ABCF2: variants seen among roughly 807,000 people sequenced by gnomAD.
The protein encoded by ABCF2 is ATP-binding cassette sub-family F member 2.
A neutral mutation model predicts 76.9 loss-of-function variants in ABCF2; 37 were observed. The ratio of observed to expected loss-of-function variants is 0.48; its 90% CI spans 0.37 to 0.63. The LOEUF is 0.63. ABCF2 is among the 30% of genes least tolerant of loss of function. The probability of loss-of-function intolerance (pLI) is 0.00; values close to 1 mark genes in which losing one functional copy is unlikely to be tolerated. For missense variants in ABCF2, 524 were observed against 782.1 expected (o/e 0.67, Z 3.94); for synonymous variants, 299 against 283.7 (o/e 1.05, Z -0.54).
chr7:151,225,536 T>C (rs2150576978), intron 2 of ABCF2, among the ~76,000 whole-genome samples: 1 of 152,394 alleles, frequency 6.6e-6, no homozygotes. Context: ...CGCTTCATTA[T>C]CTTGAGCTGG....
At chr7:151,219,742 T>A (rs1802229363) in intron 7 of ABCF2, among the ~76,000 whole-genome samples, 1 of 152,212 alleles carries the variant, frequency 6.6e-6, no homozygotes, top group Non-Finnish European at 1.5e-5. Context: ...TTATATATAC[T>A]CACATGGAAA....
At chr7:151,217,123 TATCA>T (rs1437110096) in intron 11 of ABCF2, among the ~76,000 whole-genome samples, 2 of 152,254 alleles carry the variant, frequency 1.3e-5, no homozygotes, top group African/African-American at 4.8e-5. Context: ...TCATTCATTC[TATCA>T]TTTTCCAACC....
intron 6 of ABCF2, 33 bp downstream of exon 6, chr7:151,222,488 T>C (rs932774732): frequency 6.3e-7 from 1 of 1,576,622 alleles, no homozygotes; most frequent in African/African-American, 1.3e-5. Flanking sequence ...CTTTGGGACC[T>C]GCCCGCTCAC....
In ABCF2 at chr7:151,214,316, T is replaced by G. The variant is rs1363418534; in HGVS notation, c.1735-125A>C. ...CCAAACCCATATCCAACTCACTGTCTCACTACTTCTAAGTTATTTGGGATG... is the reference window on the plus strand; with the variant it reads ...CCAAACCCATATCCAACTCACTGTCGCACTACTTCTAAGTTATTTGGGATG... On this transcript the variant is annotated intron_variant, in intron 14 of 14. Coordinates refer to ENST00000287844, the MANE Select transcript of ABCF2 (RefSeq NM_007189.3). The surrounding 1 kb of genome is among the most constrained non-coding windows in gnomAD (Gnocchi z 4.9). 7.3e-7 allele frequency: 1 copy of G among 1,376,708 alleles called. No individual in the cohort carries two copies. The highest frequency in any genetic ancestry group is 2.0e-5 in the Admixed American group (1 of 49,848). 85.3% of individuals were successfully genotyped at this position (1,376,708 alleles called of 1,614,324 possible).
At chr7:151,221,202 C>CTTT (rs57035639) in intron 7 of ABCF2, among the ~76,000 whole-genome samples, 10,269 of 140,434 alleles carry the variant, frequency 0.073, 459 homozygotes, top group Admixed American at 0.11. Flanking sequence ...GATAGGTCTG[C>CTTT]TTTTTTTTTT....
At position 151,213,508 on chromosome 7, in the gene ABCF2, C is replaced by T. The variant is rs1385922940; in HGVS notation, c.*546G>A. 6.1e-6 allele frequency: 6 copies of T among 985,756 alleles called. No homozygotes were observed. The highest frequency in any genetic ancestry group is 4.7e-5 in the South Asian group (1 of 21,292). 61.1% of individuals were successfully genotyped at this position (985,756 alleles called of 1,614,324 possible). The stretch of plus-strand genomic sequence containing the variant: ...GAGACCCGAGAAGGAAGGTAGGGAC[C>T]GTGGCTTCCTCTTTCTTTATTGGGC... On this transcript the variant is annotated 3_prime_UTR_variant, in exon 15 of 15. Coordinates refer to ENST00000287844, the MANE Select transcript of ABCF2 (RefSeq NM_007189.3).
At chr7:151,223,551 C>G (rs41273645) in intron 5 of ABCF2, 127 bp downstream of exon 5, 259 of 1,121,228 alleles carry the variant, frequency 2.3e-4, no homozygotes, top group Non-Finnish European at 3.0e-4. Flanking sequence ...CCCCTCCACA[C>G]TGCAGATGTC....
In ABCF2 at chr7:151,218,571, G is replaced by A. The variant is rs1167221034; in HGVS notation, c.1217C>T (p.Thr406Ile). The change falls in exon 10 of 15, where the codon ACA (threonine) becomes ATA (isoleucine). Residue 406 changes from threonine to isoleucine, a missense_variant. By Grantham distance (89) the Thr-to-Ile change is moderately conservative. This residue lies in a region of ABCF2 where 194 missense variants were observed against 348.6 expected (regional missense o/e 0.56). Transcript: ENST00000287844. Reference sequence around the variant, plus strand: ...CTGCCCTGAACTTACCCCATCTTTTGTATACTTGAAGCTCACATTTTGCAC... The same window carrying A: ...CTGCCCTGAACTTACCCCATCTTTTATATACTTGAAGCTCACATTTTGCAC... ...IMVQNVSFKY[T>I]KDGPCIYNNL... 5 of 1,613,842 alleles carry A rather than the reference G, an allele frequency of 3.1e-6. No homozygotes were observed. Among genetic ancestry groups the A allele is most frequent in the Non-Finnish European group, 3.4e-6 (4 of 1,179,788 alleles).
chr7:151,218,945 T>C, intron 8 of ABCF2, 72 bp from the exon 9 acceptor site: 2 of 1,609,030 alleles, frequency 1.2e-6, no homozygotes, highest in Non-Finnish European at 8.5e-7. Flanking sequence ...AGGGTAAAAA[T>C]GTTGATCGTA....
Position 151,213,409 on chromosome 7 carries a change from T to C in ABCF2, c.*645A>G. The C allele has an allele frequency of 1.0e-6, 1 of 985,334 alleles. No homozygotes were observed. Among genetic ancestry groups the C allele is most frequent in the African/African-American group, 1.7e-5 (1 of 57,328 alleles). The allele number at this position is 985,334 out of a possible 1,614,324, so 61.0% of individuals were successfully genotyped here. ...CCTATGGACTAGTCTTCAGTTCCCA[T>C]CGACACACTGACGCTGGATCCAGCT... On this transcript the variant is annotated 3_prime_UTR_variant, in exon 15 of 15. Coordinates refer to ENST00000287844, the MANE Select transcript of ABCF2 (RefSeq NM_007189.3).
chr7:151,224,209 CA>C, intron 3 of ABCF2, 95 bp from the exon 4 acceptor site: 1 of 1,268,246 alleles, frequency 7.9e-7, no homozygotes. Flanking sequence ...GGACCTCATC[CA>C]TTTTTTTTTT....
chr7:151,212,019 G>T lies in ABCF2; in HGVS notation c.*2035C>A. 1 of 949,618 alleles carries T rather than the reference G, an allele frequency of 1.1e-6. No individual in the cohort carries two copies. The highest frequency in any genetic ancestry group is 1.3e-6 in the Non-Finnish European group (1 of 797,464). 58.8% of individuals were successfully genotyped at this position (949,618 alleles called of 1,614,324 possible). A position where few individuals can be genotyped will look rare whatever the true frequency, so the allele number is the denominator to read the frequency against. On this transcript the variant is annotated 3_prime_UTR_variant, in exon 15 of 15. Coordinates refer to ENST00000287844, the MANE Select transcript of ABCF2 (RefSeq NM_007189.3). The stretch of plus-strand genomic sequence containing the variant: ...CTCACAAGAAATTTCCCTCCTTTTT[G>T]AATACTTCTGTCTCCTATCTAAATC...
Position 151,223,857 on chromosome 7 carries a change from C to G in ABCF2, c.551-8G>C. 1 of 1,607,108 alleles carries G rather than the reference C, an allele frequency of 6.2e-7. No individual in the cohort carries two copies. ...TGAGCTTCTCACACTCCGCTGTGGA[C>G]AGTGTATGGCCATGAGGCTCCTGGG... is the stretch of plus-strand genomic sequence containing the variant. On this transcript the variant is annotated splice_region_variant and splice_polypyrimidine_tract_variant and intron_variant, in intron 4 of 14. Coordinates refer to ENST00000287844, the MANE Select transcript of ABCF2 (RefSeq NM_007189.3).
At position 151,211,563 on chromosome 7, in the gene ABCF2, G is replaced by C. The variant is rs1802045304; in HGVS notation, c.*2491C>G. The C allele has an allele frequency of 2.0e-6, 2 of 985,088 alleles. No individual in the cohort carries two copies. Among genetic ancestry groups the C allele is most frequent in the South Asian group, 9.4e-5 (2 of 21,286 alleles). 61.0% of individuals were successfully genotyped at this position (985,088 alleles called of 1,614,324 possible). A position where few individuals can be genotyped will look rare whatever the true frequency, so the allele number is the denominator to read the frequency against. The stretch of plus-strand genomic sequence containing the variant: ...GGTTGACATTTTTCTTGACAAATAA[G>C]CTGACTAGACTATTTCCATTCCTCC... On this transcript the variant is annotated 3_prime_UTR_variant, in exon 15 of 15. Coordinates refer to ENST00000287844, the MANE Select transcript of ABCF2 (RefSeq NM_007189.3).
At chr7:151,216,162 C>T (rs1461036587) in intron 11 of ABCF2, 133 bp from the exon 12 acceptor site, 4 of 726,048 alleles carry the variant, frequency 5.5e-6, no homozygotes, top group Admixed American at 2.2e-5. Flanking sequence ...ATCACCAACT[C>T]GCACACTGCT....
intron 7 of ABCF2, among the ~76,000 whole-genome samples, chr7:151,220,914 G>C (rs1360297275): frequency 6.6e-6 from 1 of 152,256 alleles, no homozygotes; most frequent in African/African-American, 2.4e-5. Flanking sequence ...CTTGAATTCA[G>C]GAAGTAGAGG....
chr7:151,221,730 C>T (rs1401320883), intron 6 of ABCF2, 50 bp from the exon 7 acceptor site: 3 of 1,361,030 alleles, frequency 2.2e-6, no homozygotes, highest in Non-Finnish European at 3.2e-6. Context: ...TGGGAGCTAG[C>T]TGACAACAGG....
chr7:151,218,986 C>A lies in ABCF2; in HGVS notation c.1017+78G>T, dbSNP rs1684080263. On this transcript the variant is annotated intron_variant, in intron 8 of 14. Coordinates refer to ENST00000287844, the MANE Select transcript of ABCF2 (RefSeq NM_007189.3). ...TTCCCGACATCCTCCATCACTACCG[C>A]TTCTCGAAATGCCCTCATCCGAGCC... is the stretch of plus-strand genomic sequence containing the variant. 3.1e-6 allele frequency: 5 copies of A among 1,610,610 alleles called. No individual in the cohort carries two copies. The Admixed American group carries it at 6.7e-5, about 22-fold the overall frequency.
chr7:151,216,473 C>T (rs1246246306), intron 11 of ABCF2, among the ~76,000 whole-genome samples: 2 of 152,320 alleles, frequency 1.3e-5, no homozygotes, highest in South Asian at 2.1e-4. Flanking sequence ...GAATTAGGTT[C>T]CTGCAGCATT....
Sources: allele counts gnomAD v4.1 joint callset (sites outside exome capture counted in the v4.1 genomes callset), GRCh38; gene constraint gnomAD v4.1.1; regional missense constraint gnomAD v4.1.1; non-coding constraint Gnocchi (gnomAD v3.1); transcripts MANE v1.5; gene names NCBI Gene and HGNC (gene_info 2026-07-23, HGNC 2026-07-21).